The following DLGAP1 variants were observed in gnomAD, a reference collection of about 807,000 sequenced individuals.
DLGAP1 encodes the protein DLG associated protein 1.
In DLGAP1, 11 loss-of-function variants were observed where a neutral mutation model predicts 90.8. The observed-to-expected ratio is 0.12, with a 90% CI of 0.08 to 0.20. The LOEUF (loss-of-function observed/expected upper bound fraction) is 0.20, where lower values mean the gene tolerates loss of function less well. Ranked by LOEUF, DLGAP1 falls within the 10% of genes least tolerant of loss-of-function variation. DLGAP1 has a pLI of 1.00. For synonymous variants in DLGAP1, 558 were observed against 540.7 expected, an observed-to-expected ratio of 1.03 and a Z score of -0.44; for missense variants, 1,050 against 1,333.8, an observed-to-expected ratio of 0.79 and a Z score of 3.31.
intron 7 of DLGAP1, among the ~76,000 whole-genome samples, chr18:3,621,119 G>A (rs2058082635): frequency 6.6e-6 from 1 of 152,156 alleles, no homozygotes; most frequent in South Asian, 2.1e-4. Flanking sequence ...TAAGTGACCT[G>A]GGGCTGAGTT....
At chr18:3,789,261 CA>C (rs1181683068) in intron 5 of DLGAP1, among the ~76,000 whole-genome samples, 6 of 152,144 alleles carry the variant, frequency 3.9e-5, no homozygotes, top group African/African-American at 1.4e-4. Flanking sequence ...TAACCTACTG[CA>C]ATAGAGGCTG....
intron 2 of DLGAP1, among the ~76,000 whole-genome samples, chr18:4,065,226 T>C (rs1359842507): frequency 2.0e-5 from 3 of 152,140 alleles, no homozygotes; most frequent in Non-Finnish European, 4.4e-5. Flanking sequence ...AACATTATAC[T>C]GAATGGGCAA....
intron 1 of DLGAP1, among the ~76,000 whole-genome samples, chr18:4,180,717 C>A (rs980695522): frequency 6.6e-6 from 1 of 152,140 alleles, no homozygotes; most frequent in Non-Finnish European, 1.5e-5. Flanking sequence ...CCGTTTCTCA[C>A]ACACATATAA....
intron 7 of DLGAP1, chr18:3,594,317 A>C: frequency 6.6e-6 from 1 of 151,886 alleles, no homozygotes; most frequent in East Asian, 1.9e-4. Context: ...TTTTAAAGCC[A>C]GCATCTCCCC....
At chr18:3,880,261 G>A in intron 3 of DLGAP1, 121 bp from the exon 4 acceptor site, 3 of 613,026 alleles carry the variant, frequency 4.9e-6, no homozygotes, top group Middle Eastern at 8.7e-4. Context: ...TCTGCTTCCT[G>A]CAGCCTCCAC....
chr18:3,580,881 T>G, intron 8 of DLGAP1: 18 of 958,724 alleles, frequency 1.9e-5, no homozygotes, highest in Non-Finnish European at 2.7e-5. Context: ...TACCCTGCAG[T>G]AGCGTCTGCC....
rs560307410 is a variant in DLGAP1, at chr18:4,348,495, A to C, written c.-267+106511T>G. 9.9e-4 allele frequency among the ~76,000 whole-genome samples: 151 copies of C among 151,944 alleles called. 2 individuals are homozygous for C. Among genetic ancestry groups the C allele is most frequent in the African/African-American group, 3.5e-3 (147 of 41,424 alleles). ...TGCGCATATGTGGATGTATATGTAC[A>C]CATATTTCCTAGCTCTGTCAGGTGA... On this transcript the variant is annotated intron_variant, in intron 1 of 12. Transcript: ENST00000315677.
At chr18:4,148,574 C>T (rs767799255) in intron 2 of DLGAP1, among the ~76,000 whole-genome samples, 1 of 152,084 alleles carries the variant, frequency 6.6e-6, no homozygotes. Context: ...TGAACTGGGG[C>T]CCTTCACTCA....
Position 3,565,513 on chromosome 18 carries a change from A to G in DLGAP1, c.2057+1977T>C, listed in dbSNP as rs1205971744. Reference sequence around the variant, plus strand: ...TTCAAAAATTTTTCTAAAACACTTAATAAAGAAACATATGCCTAGGACATT... The same window carrying G: ...TTCAAAAATTTTTCTAAAACACTTAGTAAAGAAACATATGCCTAGGACATT... On this transcript the variant is annotated intron_variant, in intron 9 of 12. Coordinates refer to ENST00000315677, the MANE Select transcript of DLGAP1 (RefSeq NM_004746.4). The surrounding 1 kb of genome is among the most constrained non-coding windows in gnomAD (Gnocchi z 4.0). Among the ~76,000 whole-genome samples the G allele has an allele frequency of 6.6e-6, 1 of 152,074 alleles. No individual in the cohort carries two copies. The highest frequency in any genetic ancestry group is 1.5e-5 in the Non-Finnish European group (1 of 68,020).
chr18:3,948,649 C>T (rs1445520784), intron 3 of DLGAP1, among the ~76,000 whole-genome samples: 1 of 152,166 alleles, frequency 6.6e-6, no homozygotes, highest in Non-Finnish European at 1.5e-5. Context: ...GCATTTGCAG[C>T]AACCTGGATG....
At chr18:3,985,201 G>A (rs1412724353) in intron 3 of DLGAP1, among the ~76,000 whole-genome samples, 2 of 152,114 alleles carry the variant, frequency 1.3e-5, no homozygotes, top group Non-Finnish European at 2.9e-5. Flanking sequence ...TGAGCCACAT[G>A]TGATCCCCAG....
chr18:4,329,890 A>C (rs988016296), intron 1 of DLGAP1, among the ~76,000 whole-genome samples: 2 of 151,964 alleles, frequency 1.3e-5, no homozygotes, highest in African/African-American at 2.4e-5. Flanking sequence ...AGACCCCATA[A>C]AACGAGGTTT....
In DLGAP1 at chr18:4,275,960, A is replaced by G. The variant is rs561285326; in HGVS notation, c.-266-124673T>C. On this transcript the variant is annotated intron_variant, in intron 1 of 12. Transcript: ENST00000315677. The stretch of plus-strand genomic sequence containing the variant: ...TTCTTGAACTGAGATATGAACTACA[A>G]GCAGGAGTTTACAAGGGAAAGAGAA... 1.6e-4 allele frequency among the ~76,000 whole-genome samples: 25 copies of G among 152,232 alleles called. No homozygotes were observed. In the South Asian group the frequency reaches 5.2e-3, roughly 32 times the overall value.
chr18:4,079,922 G>C (rs1024831758), intron 2 of DLGAP1, among the ~76,000 whole-genome samples: 7 of 152,006 alleles, frequency 4.6e-5, no homozygotes, highest in Admixed American at 3.9e-4. Context: ...TTATACATTC[G>C]GGGTCTTACT....
intron 7 of DLGAP1, among the ~76,000 whole-genome samples, chr18:3,657,561 T>C (rs116195759): frequency 0.015 from 2,326 of 152,206 alleles, 84 homozygotes; most frequent in East Asian, 0.15. Context: ...TACAGTATTC[T>C]TTATGGCAAA....
rs770243724 is a variant in DLGAP1, at chr18:3,879,928, G to A, written c.141C>T (p.Tyr47=). 5.0e-6 allele frequency: 8 copies of A among 1,612,970 alleles called. No individual in the cohort carries two copies. The highest frequency in any genetic ancestry group is 5.9e-6 in the Non-Finnish European group (7 of 1,179,976). The change falls in exon 4 of 13, where the codon TAC becomes TAT. Residue 47 remains tyrosine, a synonymous_variant. Transcript: ENST00000315677. This position sits in a 1 kb window ranked among gnomAD's most constrained non-coding sequence, Gnocchi z 6.6. The part of the protein sequence containing the change: ...VEHHPADHPY[Y]TQRNSFQAEC... The stretch of plus-strand genomic sequence containing the variant: ...CAGCCTGGAAGGAGTTCCGCTGGGT[G>A]TAGTATGGGTGGTCTGCGGGGTGGT...
At chr18:4,018,279 C>T (rs995665748) in intron 2 of DLGAP1, among the ~76,000 whole-genome samples, 2 of 152,150 alleles carry the variant, frequency 1.3e-5, no homozygotes, top group African/African-American at 4.8e-5. Context: ...GCTGGAGTCC[C>T]GAGCTGGGAT....
chr18:4,270,952 T>G (rs1568483379), intron 1 of DLGAP1, among the ~76,000 whole-genome samples: 1 of 152,218 alleles, frequency 6.6e-6, no homozygotes, highest in Non-Finnish European at 1.5e-5. Context: ...GAAGTAACAA[T>G]TTTCATCAGA....
chr18:4,113,856 A>G (rs1242288590), intron 2 of DLGAP1, among the ~76,000 whole-genome samples: 1 of 152,122 alleles, frequency 6.6e-6, no homozygotes, highest in African/African-American at 2.4e-5. Flanking sequence ...AGCACCATTT[A>G]TTGAATAGTG....
Sources: allele counts gnomAD v4.1 joint callset (sites outside exome capture counted in the v4.1 genomes callset), GRCh38; gene constraint gnomAD v4.1.1; non-coding constraint Gnocchi (gnomAD v3.1); transcripts MANE v1.5; gene names NCBI Gene and HGNC (gene_info 2026-07-23, HGNC 2026-07-21).